The following CNTNAP2 variants were observed in gnomAD, a reference collection of about 807,000 sequenced individuals.
CNTNAP2 encodes the protein contactin-associated protein-like 2.
Under a neutral mutation model 155.2 loss-of-function variants are expected in CNTNAP2, and 98 were observed. The observed-to-expected ratio is 0.63, with a 90% confidence interval of 0.54 to 0.75. The LOEUF (loss-of-function observed/expected upper bound fraction) is 0.75. Among genes scored for constraint, CNTNAP2 ranks in the 30% least tolerant of loss-of-function variants. The probability of loss-of-function intolerance (pLI) is 0.00; values close to 1 mark genes in which losing one functional copy is unlikely to be tolerated. For synonymous variants in CNTNAP2, 651 were observed against 631.2 expected (o/e 1.03, Z -0.47); for missense variants, 1,727 against 1,688.1 (o/e 1.02, Z -0.40).
intron 13 of CNTNAP2, among the ~76,000 whole-genome samples, chr7:147,674,538 T>A (rs1040256595): frequency 6.6e-5 from 10 of 152,276 alleles, no homozygotes; most frequent in Non-Finnish European, 1.3e-4. Flanking sequence ...ATATTATTTA[T>A]AGAGTTATTT....
intron 8 of CNTNAP2, among the ~76,000 whole-genome samples, chr7:147,158,704 C>T (rs1250705316): frequency 2.6e-5 from 4 of 151,992 alleles, no homozygotes; most frequent in African/African-American, 9.7e-5. Flanking sequence ...TAAAGCAAAA[C>T]CTGAATGATG....
chr7:146,547,419 A>T (rs1486573540), intron 1 of CNTNAP2, among the ~76,000 whole-genome samples: 2 of 151,984 alleles, frequency 1.3e-5, no homozygotes, highest in Non-Finnish European at 2.9e-5. Flanking sequence ...TGCTGACTAC[A>T]GGCACAATGT....
chr7:147,491,032 T>C (rs1798600874), intron 11 of CNTNAP2, among the ~76,000 whole-genome samples: 1 of 152,068 alleles, frequency 6.6e-6, no homozygotes. Flanking sequence ...TACAGGTCCC[T>C]CCCTCAACAC....
intron 1 of CNTNAP2, among the ~76,000 whole-genome samples, chr7:146,649,710 G>A (rs1799872899): frequency 6.6e-6 from 1 of 152,068 alleles, no homozygotes; most frequent in Non-Finnish European, 1.5e-5. Context: ...TTTTAGTGAT[G>A]TTATTTTAGT....
chr7:147,428,366 A>G (rs1335589120), intron 10 of CNTNAP2, among the ~76,000 whole-genome samples: 1 of 151,914 alleles, frequency 6.6e-6, no homozygotes, highest in Non-Finnish European at 1.5e-5. Context: ...GTTATTTGAT[A>G]TCTTCATTTT....
At chr7:148,397,222 C>A (rs1799488549) in intron 22 of CNTNAP2, among the ~76,000 whole-genome samples, 1 of 152,196 alleles carries the variant, frequency 6.6e-6, no homozygotes, top group African/African-American at 2.4e-5. Context: ...GTGCGGTGCA[C>A]AACCCTGGCT....
chr7:147,636,173 A>G (rs1402877611), intron 12 of CNTNAP2, among the ~76,000 whole-genome samples: 1 of 152,196 alleles, frequency 6.6e-6, no homozygotes, highest in Non-Finnish European at 1.5e-5. Flanking sequence ...AAACTGGAAT[A>G]TATTTATTCT....
intron 3 of CNTNAP2, among the ~76,000 whole-genome samples, chr7:147,004,120 T>G (rs1198393868): frequency 6.6e-6 from 1 of 150,516 alleles, no homozygotes; most frequent in Non-Finnish European, 1.5e-5. Context: ...CCATGATATT[T>G]GGCGAGGAAA....
At chr7:147,252,970 A>G (rs1232311400) in intron 8 of CNTNAP2, among the ~76,000 whole-genome samples, 1 of 152,210 alleles carries the variant, frequency 6.6e-6, no homozygotes, top group Non-Finnish European at 1.5e-5. Flanking sequence ...TCAACAAACA[A>G]TTCACTAGTT....
intron 2 of CNTNAP2, among the ~76,000 whole-genome samples, chr7:146,807,101 A>G (rs1802981581): frequency 6.6e-6 from 1 of 152,242 alleles, no homozygotes. Flanking sequence ...TTTTATAGCT[A>G]TTAAAATTAT....
At position 147,747,431 on chromosome 7, in the gene CNTNAP2, CTT is replaced by C. The variant is rs540563715; in HGVS notation, c.2098+108131_2098+108132del. Among the ~76,000 whole-genome samples the C allele has an allele frequency of 7.0e-3, 1,069 of 152,234 alleles. 5 individuals carry two copies. The highest frequency in any genetic ancestry group is 0.02 in the Middle Eastern group (6 of 294). On this transcript the variant is annotated intron_variant, in intron 13 of 23. Transcript: ENST00000361727. The stretch of plus-strand genomic sequence containing the variant: ...TTTCTTACCAAATTGTATTTCTATT[CTT>C]TTTTTATGGCTGAGTAATATTCTCT...
At chr7:148,313,472 C>T (rs1474135634) in intron 21 of CNTNAP2, among the ~76,000 whole-genome samples, 4 of 152,094 alleles carry the variant, frequency 2.6e-5, no homozygotes, top group Admixed American at 6.5e-5. Flanking sequence ...TCCTGGGCTG[C>T]GGGCATTCCT....
intron 21 of CNTNAP2, among the ~76,000 whole-genome samples, chr7:148,365,485 T>A (rs1798719472): frequency 6.6e-6 from 1 of 151,984 alleles, no homozygotes; most frequent in Non-Finnish European, 1.5e-5. Flanking sequence ...GCCAACATGA[T>A]GAAACCGCGT....
intron 20 of CNTNAP2, among the ~76,000 whole-genome samples, chr7:148,251,047 C>G (rs1171017593): frequency 1.3e-5 from 2 of 152,058 alleles, no homozygotes; most frequent in Non-Finnish European, 2.9e-5. Flanking sequence ...CTATTATTAC[C>G]TCACTCTCTG....
chr7:147,184,769 G>T (rs145530410), intron 8 of CNTNAP2, among the ~76,000 whole-genome samples: 1 of 152,100 alleles, frequency 6.6e-6, no homozygotes, highest in Non-Finnish European at 1.5e-5. Context: ...AGAAGGGATC[G>T]CAATGTACTT....
chr7:148,271,054 A>G (rs551021761), intron 21 of CNTNAP2, among the ~76,000 whole-genome samples: 225 of 152,348 alleles, frequency 1.5e-3, no homozygotes, highest in Non-Finnish European at 2.7e-3. Context: ...CTCTTTTAAT[A>G]TTAAGCTAAT....
chr7:146,947,195 C>G, intron 3 of CNTNAP2, among the ~76,000 whole-genome samples: 1 of 150,994 alleles, frequency 6.6e-6, no homozygotes, highest in Middle Eastern at 3.4e-3. Flanking sequence ...TCACACCTGG[C>G]TAAAAATATG....
At chr7:146,844,100 C>T (rs28690328) in intron 3 of CNTNAP2, among the ~76,000 whole-genome samples, 5,645 of 151,858 alleles carry the variant, frequency 0.037, 349 homozygotes, top group African/African-American at 0.13. Context: ...ATGGACATTC[C>T]GAGTTATTTT....
At chr7:146,363,673 A>AT (rs1319125309) in intron 1 of CNTNAP2, among the ~76,000 whole-genome samples, 3 of 152,284 alleles carry the variant, frequency 2.0e-5, no homozygotes, top group East Asian at 3.9e-4. Flanking sequence ...TATTTGCTAG[A>AT]TTACATTGTG....
Sources: allele counts gnomAD v4.1 joint callset (sites outside exome capture counted in the v4.1 genomes callset), GRCh38; gene constraint gnomAD v4.1.1; transcripts MANE v1.5; gene names NCBI Gene and HGNC (gene_info 2026-07-23, HGNC 2026-07-21).